CADPS2: variants seen among roughly 807,000 people sequenced by gnomAD.
CADPS2 encodes calcium-dependent secretion activator 2.
Under a neutral mutation model 172.5 loss-of-function variants are expected in CADPS2, and 93 were observed. The observed-to-expected ratio is 0.54, with a 90% confidence interval of 0.46 to 0.64. The LOEUF (loss-of-function observed/expected upper bound fraction) is 0.64. Ranked by LOEUF, CADPS2 falls within the 30% of genes least tolerant of loss-of-function variation. The pLI is 0.00. For missense variants in CADPS2, 1,420 were observed against 1,565.9 expected (o/e 0.91, Z 1.57); for synonymous variants, 546 against 555.2 (o/e 0.98, Z 0.23).
At chr7:122,582,373 T>C (rs963375426) in intron 6 of CADPS2, among the ~76,000 whole-genome samples, 4 of 151,914 alleles carry the variant, frequency 2.6e-5, no homozygotes, top group African/African-American at 9.7e-5. Context: ...AATAAATGTA[T>C]ACAGTAAAGC....
chr7:122,674,661 C>G (rs1418844101), intron 2 of CADPS2, among the ~76,000 whole-genome samples: 1 of 152,202 alleles, frequency 6.6e-6, no homozygotes, highest in Non-Finnish European at 1.5e-5. Context: ...TCACACATTG[C>G]TGTTGATTTG....
At chr7:122,620,318 AG>A (rs1426712686) in intron 5 of CADPS2, among the ~76,000 whole-genome samples, 1 of 152,200 alleles carries the variant, frequency 6.6e-6, no homozygotes, top group Non-Finnish European at 1.5e-5. Flanking sequence ...GGGAAGCTTA[AG>A]TTTAAGCCAA....
chr7:122,599,161 A>T (rs1030829147), intron 6 of CADPS2, among the ~76,000 whole-genome samples: 6 of 152,138 alleles, frequency 3.9e-5, no homozygotes, highest in Non-Finnish European at 4.4e-5. Flanking sequence ...GACACAGGCC[A>T]GGGAAGTTCA....
rs998121265 is a variant in CADPS2, at chr7:122,319,133, T to C, written c.*1032A>G. On this transcript the variant is annotated 3_prime_UTR_variant, in exon 30 of 30. Coordinates refer to ENST00000449022, the MANE Select transcript of CADPS2 (RefSeq NM_017954.11). ...GTTAACATTGATTACTAATATTAAC[T>C]AATAATATATGAAATATATATTTCC... The C allele has an allele frequency of 1.3e-5, 2 of 152,184 alleles. No homozygotes were observed. The highest frequency in any genetic ancestry group is 4.8e-5 in the African/African-American group (2 of 41,460). The allele number at this position is 152,184 out of a possible 1,614,324, so 9.4% of individuals were successfully genotyped here.
intron 7 of CADPS2, among the ~76,000 whole-genome samples, chr7:122,559,735 C>A (rs13236662): frequency 6.9e-6 from 1 of 143,972 alleles, no homozygotes; most frequent in South Asian, 2.2e-4. Context: ...TGTGCCATTG[C>A]ACTCCAGCCT....
At chr7:122,598,139 A>G (rs947187291) in intron 6 of CADPS2, among the ~76,000 whole-genome samples, 1 of 152,092 alleles carries the variant, frequency 6.6e-6, no homozygotes, top group East Asian at 1.9e-4. Context: ...TCCATAGGCA[A>G]AAGTCAGAAG....
chr7:122,637,170 G>A (rs1227326037), intron 3 of CADPS2, among the ~76,000 whole-genome samples: 2 of 57,798 alleles, frequency 3.5e-5, no homozygotes, highest in Admixed American at 2.1e-4. Flanking sequence ...ATGAAATTTT[G>A]CTTTTTTTTT....
intron 1 of CADPS2, among the ~76,000 whole-genome samples, chr7:122,820,554 TTG>T (rs756561061): frequency 8.4e-6 from 1 of 118,776 alleles, no homozygotes; most frequent in African/African-American, 3.8e-5. Flanking sequence ...TTTTTGTTTT[TTG>T]TTTTTTTTTT....
chr7:122,559,333 C>T (rs1456984455), intron 7 of CADPS2, among the ~76,000 whole-genome samples: 2 of 152,136 alleles, frequency 1.3e-5, no homozygotes, highest in African/African-American at 4.8e-5. Context: ...TCAAGCTCTT[C>T]CCCAAGCTTG....
chr7:122,803,998 A>AAAC (rs1554446665), intron 1 of CADPS2, among the ~76,000 whole-genome samples: 3 of 150,600 alleles, frequency 2.0e-5, no homozygotes, highest in African/African-American at 7.3e-5. Flanking sequence ...AAAAAAAAAA[A>AAAC]CACTGCAAAG....
At chr7:122,668,138 G>A (rs918368946) in intron 2 of CADPS2, among the ~76,000 whole-genome samples, 3 of 152,228 alleles carry the variant, frequency 2.0e-5, no homozygotes, top group Non-Finnish European at 4.4e-5. Flanking sequence ...GCTAGGACTA[G>A]GCTAGAGAGA....
chr7:122,820,399 T>A (rs1349963092), intron 1 of CADPS2, among the ~76,000 whole-genome samples: 1 of 151,992 alleles, frequency 6.6e-6, no homozygotes, highest in African/African-American at 2.4e-5. Flanking sequence ...GCCAATTGCA[T>A]CCGACTGATC....
At chr7:122,805,080 AC>A (rs1449568389) in intron 1 of CADPS2, among the ~76,000 whole-genome samples, 1 of 152,198 alleles carries the variant, frequency 6.6e-6, no homozygotes, top group Non-Finnish European at 1.5e-5. Flanking sequence ...AACAAGAGCC[AC>A]ATGAATCACC....
chr7:122,385,235 A>G (rs1395954977), intron 24 of CADPS2, among the ~76,000 whole-genome samples: 1 of 152,142 alleles, frequency 6.6e-6, no homozygotes, highest in East Asian at 1.9e-4. Flanking sequence ...TGAACATTCT[A>G]TAACACATAT....
At chr7:122,386,219 T>C in intron 24 of CADPS2, 3 of 1,028,538 alleles carry the variant, frequency 2.9e-6, no homozygotes, top group Non-Finnish European at 4.0e-6. Context: ...TTTGAAAAGA[T>C]GAAAATAAAA....
chr7:122,422,724 G>A (rs1563298821), intron 17 of CADPS2, among the ~76,000 whole-genome samples: 1 of 151,928 alleles, frequency 6.6e-6, no homozygotes, highest in Non-Finnish European at 1.5e-5. Flanking sequence ...GGAAGCTGAG[G>A]TGGGTGGATC....
At chr7:122,669,375 A>T (rs2081538708) in intron 2 of CADPS2, among the ~76,000 whole-genome samples, 1 of 150,062 alleles carries the variant, frequency 6.7e-6, no homozygotes, top group Admixed American at 6.6e-5. Context: ...TTTGAGAAAA[A>T]GTAATTACTA....
intron 8 of CADPS2, among the ~76,000 whole-genome samples, chr7:122,526,484 C>T (rs1399846295): frequency 6.6e-6 from 1 of 152,032 alleles, no homozygotes; most frequent in East Asian, 1.9e-4. Flanking sequence ...TGAGCCATCC[C>T]GCCTGGTCTT....
chr7:122,381,949 C>T (rs150089612), intron 24 of CADPS2, among the ~76,000 whole-genome samples: 1 of 152,054 alleles, frequency 6.6e-6, no homozygotes, highest in African/African-American at 2.4e-5. Flanking sequence ...ATGACTTACA[C>T]TAATATTACA....
Sources: allele counts gnomAD v4.1 joint callset (sites outside exome capture counted in the v4.1 genomes callset), GRCh38; gene constraint gnomAD v4.1.1; transcripts MANE v1.5; gene names NCBI Gene and HGNC (gene_info 2026-07-23, HGNC 2026-07-21).